Variants in CYTH3 observed in about 807,000 individuals in gnomAD.
CYTH3 encodes the protein cytohesin 3, also known as cytohesin-3.
CYTH3 carries 23 observed loss-of-function variants against 55.1 expected under a neutral mutation model. The observed-to-expected ratio is 0.42, with a 90% CI of 0.30 to 0.59. The LOEUF (loss-of-function observed/expected upper bound fraction) is 0.59. CYTH3 is among the 20% of genes least tolerant of loss of function. The pLI, the probability that CYTH3 is intolerant of heterozygous loss-of-function variation, is 0.20. For synonymous variants in CYTH3, 249 were observed against 194.9 expected, an observed-to-expected ratio of 1.28 and a Z score of -2.31; for missense variants, 413 against 524.8, an observed-to-expected ratio of 0.79 and a Z score of 2.08.
intron 1 of CYTH3, among the ~76,000 whole-genome samples, chr7:6,270,602 T>C (rs1360812117): frequency 1.3e-5 from 2 of 152,248 alleles, no homozygotes; most frequent in South Asian, 4.1e-4. Context: ...ATTTTAATGG[T>C]TGTAAAATAC....
intron 1 of CYTH3, among the ~76,000 whole-genome samples, chr7:6,265,078 T>G (rs1443405351): frequency 6.6e-6 from 1 of 152,128 alleles, no homozygotes; most frequent in African/African-American, 2.4e-5. Flanking sequence ...GCACAGGCAC[T>G]GAGGCAGGAG....
chr7:6,186,014 G>T (rs1184339637), intron 4 of CYTH3, among the ~76,000 whole-genome samples: 1 of 151,942 alleles, frequency 6.6e-6, no homozygotes, highest in East Asian at 1.9e-4. Context: ...GGAGGCCGAG[G>T]CGGGCGGATC....
chr7:6,265,491 C>T lies in CYTH3; in HGVS notation c.34+6983G>A, dbSNP rs189471959. ...AAAATTAGCCGGGCATGGTGGCACG[C>T]GCCTGTAGTCCCAGCTACTCAGGAG... On this transcript the variant is annotated intron_variant, in intron 1 of 12. Coordinates refer to ENST00000350796, the MANE Select transcript of CYTH3 (RefSeq NM_004227.4). Among the ~76,000 whole-genome samples, 11 of 151,592 alleles carry T rather than the reference C, an allele frequency of 7.3e-5. No homozygotes were observed. In the East Asian group the frequency reaches 2.1e-3, roughly 30 times the overall value.
At chr7:6,186,100 C>CGG (rs1298262908) in intron 4 of CYTH3, among the ~76,000 whole-genome samples, 1 of 151,850 alleles carries the variant, frequency 6.6e-6, no homozygotes, top group African/African-American at 2.4e-5. Flanking sequence ...AAAAATTAGC[C>CGG]GGGCGTGGTG....
chr7:6,224,193 C>A (rs1583175703), intron 1 of CYTH3, among the ~76,000 whole-genome samples: 1 of 151,968 alleles, frequency 6.6e-6, no homozygotes, highest in Admixed American at 6.6e-5. Context: ...AATTCTGCTT[C>A]TTAAACAAAG....
intron 9 of CYTH3, 146 bp from the exon 10 acceptor site, chr7:6,165,956 C>T (rs1282816723): frequency 5.4e-6 from 4 of 747,026 alleles, no homozygotes; most frequent in Non-Finnish European, 8.7e-6. Context: ...TTCAGCGTTC[C>T]CACCGCAGGG....
At chr7:6,185,311 G>A (rs997595613) in intron 4 of CYTH3, among the ~76,000 whole-genome samples, 12 of 152,154 alleles carry the variant, frequency 7.9e-5, no homozygotes, top group East Asian at 3.9e-4. Flanking sequence ...ATGGCCTGGC[G>A]CAGTGGCTCA....
intron 1 of CYTH3, among the ~76,000 whole-genome samples, chr7:6,267,028 T>G (rs1197187594): frequency 6.6e-6 from 1 of 152,192 alleles, no homozygotes; most frequent in Non-Finnish European, 1.5e-5. Flanking sequence ...GTGCTGCCCT[T>G]GCAATAGTGA....
At chr7:6,204,629 C>T (rs1048700256) in intron 1 of CYTH3, among the ~76,000 whole-genome samples, 5 of 152,176 alleles carry the variant, frequency 3.3e-5, no homozygotes, top group Admixed American at 6.5e-5. Context: ...AGGATATGCA[C>T]GGACCTCCAT....
Position 6,171,037 on chromosome 7 carries a change from G to A in CYTH3, c.563-59C>T, listed in dbSNP as rs1444198502. 1.2e-5 allele frequency: 20 copies of A among 1,601,430 alleles called. No homozygotes were observed. Among genetic ancestry groups the A allele is most frequent in the Non-Finnish European group, 1.5e-5 (18 of 1,172,908 alleles). Reference sequence around the variant, plus strand: ...AACCTCCAGTGGACAGTGGGACCCCGCGTGCTGGGGGCCCGCCTGCAAGAG... The same window carrying A: ...AACCTCCAGTGGACAGTGGGACCCCACGTGCTGGGGGCCCGCCTGCAAGAG... On this transcript the variant is annotated intron_variant, in intron 7 of 12. Coordinates refer to ENST00000350796, the MANE Select transcript of CYTH3 (RefSeq NM_004227.4). The surrounding 1 kb of genome is among the most constrained non-coding windows in gnomAD (Gnocchi z 6.7).
At chr7:6,200,679 C>A (rs938316213) in intron 1 of CYTH3, among the ~76,000 whole-genome samples, 1 of 152,212 alleles carries the variant, frequency 6.6e-6, no homozygotes, top group Non-Finnish European at 1.5e-5. Flanking sequence ...TAATCCACTA[C>A]ATGGAAACTC....
intron 1 of CYTH3, among the ~76,000 whole-genome samples, chr7:6,220,576 A>C (rs78940058): frequency 6.9e-6 from 1 of 144,428 alleles, no homozygotes; most frequent in African/African-American, 2.6e-5. Flanking sequence ...TCCTGTCTCA[A>C]AAAAAAAAAA....
intron 1 of CYTH3, among the ~76,000 whole-genome samples, chr7:6,209,189 C>T (rs1364585531): frequency 3.9e-5 from 6 of 152,380 alleles, no homozygotes; most frequent in Admixed American, 1.3e-4. Flanking sequence ...TTTTACCTAA[C>T]CGCTCTATGC....
chr7:6,213,241 G>A (rs1413180362), intron 1 of CYTH3, among the ~76,000 whole-genome samples: 2 of 152,196 alleles, frequency 1.3e-5, no homozygotes, highest in Admixed American at 6.5e-5. Flanking sequence ...GTGCTCCAGA[G>A]ATGAGATGTA....
At chr7:6,180,405 A>G (rs962233502) in intron 4 of CYTH3, among the ~76,000 whole-genome samples, 5 of 152,240 alleles carry the variant, frequency 3.3e-5, no homozygotes, top group South Asian at 2.1e-4. Flanking sequence ...CACTTGTCCT[A>G]TGAGACAGAG....
intron 1 of CYTH3, among the ~76,000 whole-genome samples, chr7:6,232,233 C>T (rs536534308): frequency 6.6e-6 from 1 of 152,152 alleles, no homozygotes. Flanking sequence ...AATTGGTTCT[C>T]CAATCTTGGG....
chr7:6,215,184 C>G (rs963126115), intron 1 of CYTH3, among the ~76,000 whole-genome samples: 1 of 152,128 alleles, frequency 6.6e-6, no homozygotes, highest in Non-Finnish European at 1.5e-5. Flanking sequence ...CTGAGTAACA[C>G]CAGAAAGTTC....
Position 6,173,745 on chromosome 7 carries a change from A to C in CYTH3, c.369-12T>G, listed in dbSNP as rs1251487221. 4 of 1,524,582 alleles carry C rather than the reference A, an allele frequency of 2.6e-6. No individual in the cohort carries two copies. The highest frequency in any genetic ancestry group is 3.6e-6 in the Non-Finnish European group (4 of 1,098,496). The allele number at this position is 1,524,582 out of a possible 1,614,324, so 94.4% of individuals were successfully genotyped here. ...TATTAAATTCATCCCTGGGAAAAAA[A>C]GAAGTAAGTTTCAAACCTAATGTAC... On this transcript the variant is annotated splice_polypyrimidine_tract_variant and intron_variant, in intron 5 of 12. Coordinates refer to ENST00000350796, the MANE Select transcript of CYTH3 (RefSeq NM_004227.4).
intron 1 of CYTH3, among the ~76,000 whole-genome samples, chr7:6,232,895 T>C (rs1264511245): frequency 6.6e-6 from 1 of 152,148 alleles, no homozygotes. Context: ...CCACTTCGGG[T>C]GCCAGCCTCT....
Sources: allele counts gnomAD v4.1 joint callset (sites outside exome capture counted in the v4.1 genomes callset), GRCh38; gene constraint gnomAD v4.1.1; non-coding constraint Gnocchi (gnomAD v3.1); transcripts MANE v1.5; gene names NCBI Gene and HGNC (gene_info 2026-07-23, HGNC 2026-07-21).